The following HS6ST3 variants were observed in gnomAD, a reference collection of about 807,000 sequenced individuals.
HS6ST3 encodes heparan sulfate 6-O-sulfotransferase 3.
A neutral mutation model predicts 36.7 loss-of-function variants in HS6ST3; 12 were observed. That is an observed-to-expected ratio of 0.33 (90% confidence interval 0.21 to 0.53). HS6ST3 has a LOEUF of 0.53. HS6ST3 is among the 20% of genes least tolerant of loss of function. The pLI is 0.95. For synonymous variants in HS6ST3, 240 were observed against 257.5 expected, an observed-to-expected ratio of 0.93 and a Z score of 0.65; for missense variants, 584 against 640.9, an observed-to-expected ratio of 0.91 and a Z score of 0.96.
At chr13:96,234,572 C>G (rs897012238) in intron 1 of HS6ST3, among the ~76,000 whole-genome samples, 1 of 152,056 alleles carries the variant, frequency 6.6e-6, no homozygotes, top group African/African-American at 2.4e-5. Context: ...AAAGACATGT[C>G]TTACATGGCA....
intron 1 of HS6ST3, among the ~76,000 whole-genome samples, chr13:96,462,385 A>G (rs529110890): frequency 6.6e-6 from 1 of 152,332 alleles, no homozygotes; most frequent in South Asian, 2.1e-4. Flanking sequence ...AACTTTTAAT[A>G]GAATGACAAA....
chr13:96,604,008 A>C (rs1594816507), intron 1 of HS6ST3, among the ~76,000 whole-genome samples: 2 of 152,338 alleles, frequency 1.3e-5, no homozygotes, highest in East Asian at 3.9e-4. Context: ...TAAATCATAA[A>C]AATCATTGCT....
intron 1 of HS6ST3, among the ~76,000 whole-genome samples, chr13:96,432,258 T>C (rs2055619411): frequency 6.6e-6 from 1 of 152,316 alleles, no homozygotes; most frequent in East Asian, 1.9e-4. Flanking sequence ...TGTAGAAATA[T>C]GCAAATTACC....
intron 1 of HS6ST3, among the ~76,000 whole-genome samples, chr13:96,601,666 G>C (rs530335586): frequency 6.6e-6 from 1 of 152,024 alleles, no homozygotes; most frequent in East Asian, 1.9e-4. Context: ...TAATCTTTTG[G>C]GGGTGTTGCA....
intron 1 of HS6ST3, among the ~76,000 whole-genome samples, chr13:96,447,763 CAT>C (rs2055706275): frequency 6.6e-6 from 1 of 152,222 alleles, no homozygotes; most frequent in African/African-American, 2.4e-5. Context: ...ACCACCTCCT[CAT>C]ATAACTGGCT....
rs1299777718 is a variant in HS6ST3, at chr13:96,328,356, T to A, written c.707+236787T>A. 2.0e-5 allele frequency among the ~76,000 whole-genome samples: 3 copies of A among 151,428 alleles called. No homozygotes were observed. The South Asian group carries it at 6.3e-4, about 32-fold the overall frequency. On this transcript the variant is annotated intron_variant, in intron 1 of 1. Coordinates refer to ENST00000376705, the MANE Select transcript of HS6ST3 (RefSeq NM_153456.4). ...TCTTATTATTTTGAAATACGTCCCA[T>A]CAATACCTAATTTATTGAGAGTTTT...
chr13:96,552,809 C>G (rs966670911), intron 1 of HS6ST3, among the ~76,000 whole-genome samples: 1 of 152,104 alleles, frequency 6.6e-6, no homozygotes, highest in Non-Finnish European at 1.5e-5. Context: ...TTGAGAAACA[C>G]AAATTGAAAT....
At chr13:96,737,497 T>C (rs200411413) in intron 1 of HS6ST3, among the ~76,000 whole-genome samples, 3,215 of 150,204 alleles carry the variant, frequency 0.021, 56 homozygotes, top group Non-Finnish European at 0.033. Flanking sequence ...CGGTGGCGGG[T>C]GCCTGTAGTC....
At chr13:96,786,775 A>G (rs1342575721) in intron 1 of HS6ST3, among the ~76,000 whole-genome samples, 4 of 152,092 alleles carry the variant, frequency 2.6e-5, no homozygotes, top group African/African-American at 4.8e-5. Context: ...GTGGTGTACA[A>G]TTCTATGAGT....
At chr13:96,598,222 G>C (rs2138980311) in intron 1 of HS6ST3, among the ~76,000 whole-genome samples, 1 of 152,134 alleles carries the variant, frequency 6.6e-6, no homozygotes, top group South Asian at 2.1e-4. Flanking sequence ...ATCTATCTGG[G>C]TATTTTGATA....
At chr13:96,687,014 C>T (rs181337102) in intron 1 of HS6ST3, among the ~76,000 whole-genome samples, 87 of 151,676 alleles carry the variant, frequency 5.7e-4, no homozygotes, top group Admixed American at 1.3e-3. Flanking sequence ...ACTCTTTTTC[C>T]TCAGGGCCTC....
intron 1 of HS6ST3, among the ~76,000 whole-genome samples, chr13:96,464,947 CGTGTGTGTGTGTGTGTGT>C (rs71113997): frequency 1.4e-5 from 2 of 145,554 alleles, no homozygotes; most frequent in Non-Finnish European, 1.5e-5. Context: ...CAAGATGCTT[CGTGTGTGTGTGTGTGTGT>C]GTGTGTGTGT....
At chr13:96,799,457 C>T (rs974274828) in intron 1 of HS6ST3, among the ~76,000 whole-genome samples, 14 of 151,952 alleles carry the variant, frequency 9.2e-5, no homozygotes, top group Non-Finnish European at 1.8e-4. Context: ...AGCCATAAAA[C>T]ATGATGAGTT....
intron 1 of HS6ST3, among the ~76,000 whole-genome samples, chr13:96,100,948 G>A (rs2053815336): frequency 6.6e-6 from 1 of 152,200 alleles, no homozygotes; most frequent in Non-Finnish European, 1.5e-5. Flanking sequence ...TGTACTGCAT[G>A]ATTTTCTGCA....
rs185376428 is a variant in HS6ST3 at position 96,787,064 on chromosome 13, T to C, written c.708-45426T>C. The stretch of plus-strand genomic sequence containing the variant: ...TTGTCTGTGTATCTTAATTGTTCTG[T>C]GTTATTAATGAGCAACATTCCATTG... On this transcript the variant is annotated intron_variant, in intron 1 of 1. Transcript: ENST00000376705. 2.0e-4 allele frequency among the ~76,000 whole-genome samples: 30 copies of C among 152,298 alleles called. 1 individual carries two copies. The East Asian group carries it at 5.8e-3, about 29-fold the overall frequency.
chr13:96,550,511 C>T (rs1223620486), intron 1 of HS6ST3, among the ~76,000 whole-genome samples: 3 of 152,218 alleles, frequency 2.0e-5, no homozygotes, highest in Admixed American at 2.0e-4. Flanking sequence ...CAGACTAATA[C>T]ATGCTCCCAA....
At chr13:96,346,391 G>A (rs961260237) in intron 1 of HS6ST3, among the ~76,000 whole-genome samples, 23 of 151,928 alleles carry the variant, frequency 1.5e-4, no homozygotes, top group African/African-American at 3.9e-4. Flanking sequence ...TGGCTAAAAC[G>A]GTGAAACCCT....
intron 1 of HS6ST3, among the ~76,000 whole-genome samples, chr13:96,667,051 G>T (rs1476315051): frequency 6.6e-6 from 1 of 151,974 alleles, no homozygotes; most frequent in Non-Finnish European, 1.5e-5. Flanking sequence ...AACACCACAC[G>T]TCCCACTTGT....
chr13:96,237,171 A>G (rs1439391898), intron 1 of HS6ST3, among the ~76,000 whole-genome samples: 3 of 152,210 alleles, frequency 2.0e-5, no homozygotes, highest in Admixed American at 6.5e-5. Context: ...TATGGGAGCT[A>G]CAATTCAAGA....
Sources: gnomAD v4.1 joint callset for allele counts (sites outside exome capture counted in the v4.1 genomes callset) on GRCh38, gnomAD v4.1.1 for gene constraint, MANE v1.5 for transcripts, NCBI Gene and HGNC (gene_info 2026-07-23, HGNC 2026-07-21) for gene names.